CEP112: variants seen among roughly 807,000 people sequenced by gnomAD.
CEP112 encodes the protein centrosomal protein of 112 kDa.
In CEP112, 127 loss-of-function variants were observed where a neutral mutation model predicts 153.0. That is an observed-to-expected ratio of 0.83 (90% CI 0.72 to 0.96). The LOEUF (loss-of-function observed/expected upper bound fraction) is 0.96, where lower values mean the gene tolerates loss of function less well. Ranked by LOEUF, CEP112 falls within the 40% of genes least tolerant of loss-of-function variation. The pLI is 0.00. For synonymous variants in CEP112, 358 were observed against 374.4 expected, an observed-to-expected ratio of 0.96 and a Z score of 0.51; for missense variants, 1,089 against 1,101.2, an observed-to-expected ratio of 0.99 and a Z score of 0.16.
intron 21 of CEP112, among the ~76,000 whole-genome samples, chr17:65,850,004 A>G (rs565971308): frequency 1.3e-5 from 2 of 152,082 alleles, no homozygotes; most frequent in Admixed American, 1.3e-4. Flanking sequence ...AAATACAAAA[A>G]TTAGCCAGAC....
At chr17:65,765,643 C>A (rs2052918919) in intron 21 of CEP112, among the ~76,000 whole-genome samples, 1 of 151,990 alleles carries the variant, frequency 6.6e-6, no homozygotes, top group East Asian at 1.9e-4. Context: ...CAGAAGGACC[C>A]CAAGAGCCTG....
At chr17:65,717,362 C>T (rs2049590035) in intron 23 of CEP112, among the ~76,000 whole-genome samples, 1 of 152,140 alleles carries the variant, frequency 6.6e-6, no homozygotes, top group Admixed American at 6.5e-5. Flanking sequence ...AAAAACAAGT[C>T]AGTCCCAGAA....
chr17:65,671,483 T>C (rs912342642), intron 24 of CEP112, among the ~76,000 whole-genome samples: 10 of 152,362 alleles, frequency 6.6e-5, no homozygotes, highest in African/African-American at 2.4e-4. Flanking sequence ...GGAGGCTTTC[T>C]GTCTCTCATT....
chr17:66,075,459 G>A (rs2146121658), intron 8 of CEP112, among the ~76,000 whole-genome samples: 1 of 151,532 alleles, frequency 6.6e-6, no homozygotes, highest in East Asian at 1.9e-4. Context: ...GAAGTCAATA[G>A]AAAAATTAAA....
intron 19 of CEP112, chr17:65,913,732 C>T: frequency 1.0e-6 from 1 of 985,480 alleles, no homozygotes; most frequent in Non-Finnish European, 1.2e-6. Flanking sequence ...CAACCATCAA[C>T]AGCCAGGACT....
intron 19 of CEP112, among the ~76,000 whole-genome samples, chr17:65,914,439 T>C (rs562212110): frequency 6.6e-6 from 1 of 152,140 alleles, no homozygotes; most frequent in South Asian, 2.1e-4. Context: ...CAATGCTTCG[T>C]AAATTATTCA....
intron 18 of CEP112, among the ~76,000 whole-genome samples, chr17:65,931,164 TGAG>T (rs149200575): frequency 8.5e-4 from 130 of 152,228 alleles, no homozygotes; most frequent in Non-Finnish European, 1.3e-3. Flanking sequence ...TTCTTAAGGA[TGAG>T]GAGGAGGGAC....
chr17:65,767,991 A>C (rs1006475743), intron 21 of CEP112, among the ~76,000 whole-genome samples: 4 of 152,074 alleles, frequency 2.6e-5, no homozygotes, highest in Non-Finnish European at 4.4e-5. Context: ...CAAAATAAAA[A>C]AGAGCTGGAT....
chr17:65,807,180 C>T (rs552605522), intron 21 of CEP112, among the ~76,000 whole-genome samples: 70 of 152,242 alleles, frequency 4.6e-4, no homozygotes, highest in Non-Finnish European at 6.6e-4. Flanking sequence ...CCCCTGCCCT[C>T]GAGATCTCTA....
At chr17:65,700,803 C>G (rs1314126008) in intron 23 of CEP112, among the ~76,000 whole-genome samples, 1 of 152,074 alleles carries the variant, frequency 6.6e-6, no homozygotes, top group Non-Finnish European at 1.5e-5. Context: ...TTAACAGAGT[C>G]TTGGCAAGAC....
chr17:66,019,901 T>C (rs1485674054), intron 16 of CEP112, among the ~76,000 whole-genome samples: 1 of 152,188 alleles, frequency 6.6e-6, no homozygotes, highest in Non-Finnish European at 1.5e-5. Context: ...GAAACCTTAG[T>C]TTACTTCGAG....
intron 24 of CEP112, among the ~76,000 whole-genome samples, chr17:65,654,388 C>A (rs1020475032): frequency 1.3e-5 from 2 of 152,186 alleles, no homozygotes; most frequent in African/African-American, 4.8e-5. Context: ...TTCTAACTGG[C>A]GTCCTCTCAA....
At chr17:65,980,104 C>T (rs1382091084) in intron 17 of CEP112, among the ~76,000 whole-genome samples, 1 of 152,128 alleles carries the variant, frequency 6.6e-6, no homozygotes, top group Non-Finnish European at 1.5e-5. Context: ...AGACCATTTC[C>T]AGACCTAGTT....
At chr17:65,953,665 G>T (rs1169232850) in intron 18 of CEP112, among the ~76,000 whole-genome samples, 1 of 112,972 alleles carries the variant, frequency 8.9e-6, no homozygotes, top group Non-Finnish European at 1.9e-5. Context: ...TGGGAGCAGG[G>T]TGAGGCCTTG....
intron 12 of CEP112, among the ~76,000 whole-genome samples, chr17:66,043,715 A>G (rs1274535151): frequency 2.6e-5 from 4 of 152,216 alleles, no homozygotes; most frequent in African/African-American, 9.6e-5. Context: ...TGTTTTAAAA[A>G]TCTATTGTTT....
chr17:65,933,687 T>A (rs995794076), intron 18 of CEP112, among the ~76,000 whole-genome samples: 2 of 152,176 alleles, frequency 1.3e-5, no homozygotes, highest in African/African-American at 2.4e-5. Flanking sequence ...CTTACAGGAA[T>A]TATGAAAAGG....
At chr17:65,774,651 G>A (rs558220550) in intron 21 of CEP112, among the ~76,000 whole-genome samples, 5 of 152,310 alleles carry the variant, frequency 3.3e-5, no homozygotes, top group South Asian at 2.1e-4. Flanking sequence ...TGCTGGGTGC[G>A]TAGGTGACAT....
chr17:65,851,920 G>A lies in CEP112; in HGVS notation c.2278C>T (p.Gln760Ter). ...ELGLLREEEK[Q>*]RATREHEIVV... Reference sequence around the variant, plus strand: ...ATCTCATGTTCCCTTGTAGCCCTTTGCTTTTCCTCTTCACGAAGAAGACCA... The same window carrying A: ...ATCTCATGTTCCCTTGTAGCCCTTTACTTTTCCTCTTCACGAAGAAGACCA... Residue 760 changes from glutamine (Q) to a stop codon, truncating the protein, a stop_gained, in exon 21 of 27, where the codon CAA (glutamine) becomes TAA (stop). Coordinates refer to ENST00000535342, the MANE Select transcript of CEP112 (RefSeq NM_001199165.4). LOFTEE classifies it high-confidence loss of function. The A allele has an allele frequency of 6.2e-7, 1 of 1,614,010 alleles. No individual in the cohort carries two copies. Among genetic ancestry groups the A allele is most frequent in the Non-Finnish European group, 8.5e-7 (1 of 1,179,974 alleles).
At chr17:65,994,256 A>G (rs2063702482) in intron 17 of CEP112, among the ~76,000 whole-genome samples, 1 of 152,192 alleles carries the variant, frequency 6.6e-6, no homozygotes, top group Admixed American at 6.5e-5. Context: ...TTGCATAGTT[A>G]GGCTTTCATT....
Sources: gnomAD v4.1 joint callset for allele counts (sites outside exome capture counted in the v4.1 genomes callset) on GRCh38, gnomAD v4.1.1 for gene constraint, MANE v1.5 for transcripts, NCBI Gene and HGNC (gene_info 2026-07-23, HGNC 2026-07-21) for gene names.